PAN3: variants seen among roughly 807,000 people sequenced by gnomAD.
PAN3 encodes PAN2-PAN3 deadenylation complex subunit PAN3.
Under a neutral mutation model 96.2 loss-of-function variants are expected in PAN3, and 19 were observed. The ratio of observed to expected loss-of-function variants is 0.20; its 90% CI spans 0.14 to 0.29. The LOEUF (loss-of-function observed/expected upper bound fraction) is 0.29. Among genes scored for constraint, PAN3 ranks in the 10% least tolerant of loss-of-function variants. The pLI, the probability that PAN3 is intolerant of heterozygous loss-of-function variation, is 1.00. For synonymous variants in PAN3, 433 were observed against 406.6 expected, an observed-to-expected ratio of 1.06 and a Z score of -0.78; for missense variants, 882 against 1,108.1, an observed-to-expected ratio of 0.80 and a Z score of 2.90.
chr13:28,141,010 T>TTTATTTA (rs1566128480), intron 1 of PAN3, among the ~76,000 whole-genome samples: 10 of 148,566 alleles, frequency 6.7e-5, no homozygotes, highest in African/African-American at 2.0e-4. Flanking sequence ...ACACTTTTTT[T>TTTATTTA]TTTTTTTTTT....
intron 6 of PAN3, among the ~76,000 whole-genome samples, chr13:28,223,871 ATTTTT>A (rs560571140): frequency 1.3e-5 from 1 of 75,012 alleles, no homozygotes; most frequent in Non-Finnish European, 2.4e-5. Context: ...ATGAAAAGTG[ATTTTT>A]TTTTTTTTTT....
At chr13:28,279,900 A>G (rs1374332975) in intron 15 of PAN3, among the ~76,000 whole-genome samples, 2 of 151,500 alleles carry the variant, frequency 1.3e-5, no homozygotes, top group Admixed American at 1.3e-4. Context: ...CCTGGGTTCA[A>G]GCTATTCTCC....
intron 9 of PAN3, among the ~76,000 whole-genome samples, chr13:28,261,699 C>T (rs1885739291): frequency 6.6e-6 from 1 of 151,824 alleles, no homozygotes; most frequent in South Asian, 2.1e-4. Context: ...AGTGGTGGTG[C>T]ATATTTGTAG....
intron 4 of PAN3, among the ~76,000 whole-genome samples, chr13:28,184,980 C>G (rs1455800799): frequency 6.6e-6 from 1 of 152,128 alleles, no homozygotes; most frequent in African/African-American, 2.4e-5. Flanking sequence ...CTCTGTTTCT[C>G]TCATACTATG....
At chr13:28,145,883 C>T (rs963887931) in intron 1 of PAN3, among the ~76,000 whole-genome samples, 5 of 151,076 alleles carry the variant, frequency 3.3e-5, no homozygotes, top group South Asian at 2.1e-4. Flanking sequence ...TCTCATGTCT[C>T]GGCCTCCTGA....
chr13:28,219,242 A>G (rs1881126967), intron 5 of PAN3, among the ~76,000 whole-genome samples: 1 of 152,210 alleles, frequency 6.6e-6, no homozygotes, highest in Non-Finnish European at 1.5e-5. Context: ...TAGATGTGGC[A>G]GTAAAAGATT....
intron 17 of PAN3, among the ~76,000 whole-genome samples, chr13:28,285,046 A>G (rs1278859543): frequency 6.6e-6 from 1 of 152,132 alleles, no homozygotes; most frequent in Non-Finnish European, 1.5e-5. Context: ...TGTTCTTTAT[A>G]TAGTTATAGC....
chr13:28,201,494 A>C, intron 5 of PAN3, among the ~76,000 whole-genome samples: 1 of 152,060 alleles, frequency 6.6e-6, no homozygotes, highest in East Asian at 1.9e-4. Flanking sequence ...TGCAGTGAGC[A>C]GAGATTGTGT....
At chr13:28,224,321 G>A (rs1881763940) in intron 6 of PAN3, among the ~76,000 whole-genome samples, 1 of 152,152 alleles carries the variant, frequency 6.6e-6, no homozygotes, top group Non-Finnish European at 1.5e-5. Flanking sequence ...GTGTCACAGT[G>A]TGTTTGAAAG....
intron 6 of PAN3, among the ~76,000 whole-genome samples, chr13:28,248,310 GT>G (rs1304936021): frequency 6.6e-6 from 1 of 152,112 alleles, no homozygotes. Context: ...ACTTCTGACA[GT>G]TTTTGGGTGG....
intron 14 of PAN3, among the ~76,000 whole-genome samples, chr13:28,273,220 G>A (rs1255660579): frequency 1.3e-5 from 2 of 152,176 alleles, no homozygotes; most frequent in African/African-American, 2.4e-5. Flanking sequence ...TAGGCCTCGT[G>A]ATGCTTCTTA....
intron 6 of PAN3, among the ~76,000 whole-genome samples, chr13:28,222,756 A>C (rs1041763170): frequency 2.0e-5 from 3 of 152,120 alleles, no homozygotes; most frequent in African/African-American, 4.8e-5. Context: ...GTGGTGATTT[A>C]GTTTATTTTT....
chr13:28,267,038 T>C, intron 10 of PAN3, 57 bp from the exon 11 acceptor site: 2 of 1,453,230 alleles, frequency 1.4e-6, no homozygotes, highest in Non-Finnish European at 1.9e-6. Flanking sequence ...CCATTTCTGA[T>C]GGAATATGAA....
chr13:28,284,167 T>C (rs1868666107), intron 17 of PAN3, among the ~76,000 whole-genome samples: 1 of 152,212 alleles, frequency 6.6e-6, no homozygotes, highest in African/African-American at 2.4e-5. Context: ...TTCAAACTCT[T>C]AGATTTTTGT....
At chr13:28,153,548 T>G (rs1303229467) in intron 1 of PAN3, among the ~76,000 whole-genome samples, 2 of 152,138 alleles carry the variant, frequency 1.3e-5, no homozygotes, top group Admixed American at 1.3e-4. Context: ...TAATACACTT[T>G]TAAAAGATAT....
intron 1 of PAN3, among the ~76,000 whole-genome samples, chr13:28,165,609 A>G (rs187884171): frequency 2.6e-5 from 4 of 152,378 alleles, no homozygotes; most frequent in Admixed American, 1.3e-4. Context: ...ATTCATATCT[A>G]TAATGATTGT....
Position 28,277,264 on chromosome 13 carries a change from G to A in PAN3, c.2077G>A (p.Val693Ile), listed in dbSNP as rs1887139466. ...QQADLISLGKVVLALACNSLA... is the reference protein window; with the variant it reads ...QQADLISLGKIVLALACNSLA... ...AGCAGATCTGATATCATTAGGAAAA[G>A]TTGTGTTGGCTTTGGCTTGCAACTC... The change falls in exon 15 of 19, where the codon GTT (valine) becomes ATT (isoleucine). Residue 693 changes from valine to isoleucine, a missense_variant. Physicochemically the swap from Val to Ile is conservative, Grantham distance 29. This residue lies in a region of PAN3 where 364 missense variants were observed against 513.6 expected (regional missense o/e 0.71). Transcript: ENST00000380958. 1 of 1,612,586 alleles carries A rather than the reference G, an allele frequency of 6.2e-7. No individual in the cohort carries two copies. Among genetic ancestry groups the A allele is most frequent in the Admixed American group, 1.7e-5 (1 of 59,662 alleles).
intron 2 of PAN3, among the ~76,000 whole-genome samples, chr13:28,174,840 A>G (rs1237416685): frequency 6.6e-6 from 1 of 152,222 alleles, no homozygotes; most frequent in Non-Finnish European, 1.5e-5. Flanking sequence ...GTATCCTCTC[A>G]GGAATATTCT....
At chr13:28,263,685 C>T (rs2138632324) in intron 9 of PAN3, among the ~76,000 whole-genome samples, 1 of 152,184 alleles carries the variant, frequency 6.6e-6, no homozygotes, top group South Asian at 2.1e-4. Flanking sequence ...TTATCTCAAG[C>T]CACATTAAAA....
Sources: allele counts gnomAD v4.1 joint callset (sites outside exome capture counted in the v4.1 genomes callset), GRCh38; gene constraint gnomAD v4.1.1; regional missense constraint gnomAD v4.1.1; transcripts MANE v1.5; gene names NCBI Gene and HGNC (gene_info 2026-07-23, HGNC 2026-07-21).